The following SHROOM3 variants were observed in gnomAD, a reference collection of about 807,000 sequenced individuals.
SHROOM3 encodes protein Shroom3.
A neutral mutation model predicts 138.6 loss-of-function variants in SHROOM3; 47 were observed. The observed-to-expected ratio is 0.34, with a 90% confidence interval of 0.27 to 0.43. The LOEUF (loss-of-function observed/expected upper bound fraction) is 0.43. SHROOM3 is among the 20% of genes least tolerant of loss of function. The pLI, the probability that SHROOM3 is intolerant of heterozygous loss-of-function variation, is 1.00. For synonymous variants in SHROOM3, 1,062 were observed against 1,063.3 expected (o/e 1.00, Z 0.02); for missense variants, 2,491 against 2,596.5 (o/e 0.96, Z 0.88).
intron 1 of SHROOM3, among the ~76,000 whole-genome samples, chr4:76,540,935 C>T (rs1212569229): frequency 6.6e-6 from 1 of 152,124 alleles, no homozygotes; most frequent in Non-Finnish European, 1.5e-5. Flanking sequence ...AACTATTGCC[C>T]TGTGAGCCCT....
intron 1 of SHROOM3, among the ~76,000 whole-genome samples, chr4:76,529,233 G>A (rs1732778140): frequency 6.6e-6 from 1 of 152,144 alleles, no homozygotes; most frequent in South Asian, 2.1e-4. Flanking sequence ...AGTTTCTCTG[G>A]CTGGACCTGC....
At chr4:76,444,786 G>A (rs948763758) in intron 1 of SHROOM3, among the ~76,000 whole-genome samples, 1 of 151,778 alleles carries the variant, frequency 6.6e-6, no homozygotes, top group African/African-American at 2.4e-5. Context: ...GAGCCACCAC[G>A]CCTGGCCAGT....
chr4:76,567,227 G>A (rs1416657343), intron 2 of SHROOM3, among the ~76,000 whole-genome samples: 1 of 152,148 alleles, frequency 6.6e-6, no homozygotes, highest in Non-Finnish European at 1.5e-5. Context: ...GTGATTCTAA[G>A]GAGCATTTTT....
Position 76,740,670 on chromosome 4 carries a change from C to A in SHROOM3, c.2497C>A (p.Arg833Ser). 1 of 1,614,130 alleles carries A rather than the reference C, an allele frequency of 6.2e-7. No homozygotes were observed. Among genetic ancestry groups the A allele is most frequent in the Non-Finnish European group, 8.5e-7 (1 of 1,180,036 alleles). The change falls in exon 5 of 11, where the codon CGT (arginine) becomes AGT (serine). Residue 833 changes from arginine (R) to serine (S), a missense_variant. Around this residue, in one of 4 missense-constraint regions of SHROOM3, gnomAD observed 1,733 missense variants for 1,661.6 expected, o/e 1.04. Transcript: ENST00000296043. The surrounding 1 kb of genome is among the most constrained non-coding windows in gnomAD (Gnocchi z 4.0). ...NDFEETKAHI[R>S]FSESAEPLGN... ...CTTCGAGGAGACAAAAGCACACATT[C>A]GTTTCTCTGAGTCAGCTGAACCCCT...
intron 2 of SHROOM3, among the ~76,000 whole-genome samples, chr4:76,708,099 T>C (rs1720117809): frequency 6.6e-6 from 1 of 152,210 alleles, no homozygotes. Flanking sequence ...CAGCTGGTCC[T>C]GTAGAGGTGA....
At chr4:76,613,257 C>A (rs1734800998) in intron 2 of SHROOM3, among the ~76,000 whole-genome samples, 1 of 152,140 alleles carries the variant, frequency 6.6e-6, no homozygotes. Flanking sequence ...CATGGTTTCC[C>A]ACTACTGGAC....
At chr4:76,754,286 C>T (rs1406456028) in intron 6 of SHROOM3, 25 bp from the exon 7 acceptor site, 3 of 1,614,030 alleles carry the variant, frequency 1.9e-6, no homozygotes, top group Non-Finnish European at 2.5e-6. Flanking sequence ...AGAGCTGTAA[C>T]CCTCCTGTCT....
At chr4:76,584,641 C>T (rs374166938) in intron 2 of SHROOM3, among the ~76,000 whole-genome samples, 2 of 152,248 alleles carry the variant, frequency 1.3e-5, no homozygotes, top group Non-Finnish European at 1.5e-5. Flanking sequence ...TTCGTCATTC[C>T]GCATAGTGGA....
Position 76,759,582 on chromosome 4 carries a change from T to G in SHROOM3, c.5236T>G (p.Cys1746Gly), listed in dbSNP as rs1188142427. ...GGAAGCAGTGAGCATGTTGGTTAAC[T>G]GCCCTGCCTACTACAGTGTGTCTGC... ...DKEAVSMLVN[C>G]PAYYSVSAPK... Residue 1746 changes from cysteine (C) to glycine (G), a missense_variant, in exon 9 of 11, where the codon TGC (cysteine) becomes GGC (glycine). This residue lies in a region of SHROOM3 where 470 missense variants were observed against 595.0 expected (regional missense o/e 0.79). Coordinates refer to ENST00000296043, the MANE Select transcript of SHROOM3 (RefSeq NM_020859.4). 6.2e-7 allele frequency: 1 copy of G among 1,614,186 alleles called. No homozygotes were observed. Among genetic ancestry groups the G allele is most frequent in the South Asian group, 1.1e-5 (1 of 91,086 alleles).
intron 1 of SHROOM3, among the ~76,000 whole-genome samples, chr4:76,519,784 T>C (rs947411647): frequency 1.3e-5 from 2 of 152,250 alleles, no homozygotes; most frequent in Admixed American, 1.3e-4. Context: ...TATGTGCATC[T>C]GGGTGTATTA....
intron 2 of SHROOM3, among the ~76,000 whole-genome samples, chr4:76,674,881 T>TA (rs930852272): frequency 2.6e-5 from 4 of 152,122 alleles, no homozygotes; most frequent in Non-Finnish European, 5.9e-5. Context: ...AGCCATTTCT[T>TA]ACCTTCTCCC....
At chr4:76,506,877 ACTCC>A (rs1361524353) in intron 1 of SHROOM3, among the ~76,000 whole-genome samples, 2 of 152,014 alleles carry the variant, frequency 1.3e-5, no homozygotes, top group Non-Finnish European at 2.9e-5. Flanking sequence ...CTCTTACAGT[ACTCC>A]CTCCATACTT....
At chr4:76,663,664 G>A (rs574136293) in intron 2 of SHROOM3, among the ~76,000 whole-genome samples, 1 of 152,204 alleles carries the variant, frequency 6.6e-6, no homozygotes, top group Admixed American at 6.5e-5. Flanking sequence ...TGGGTAGCTG[G>A]GATTATAGGT....
intron 9 of SHROOM3, among the ~76,000 whole-genome samples, chr4:76,761,736 T>C (rs1721993148): frequency 6.6e-6 from 1 of 152,168 alleles, no homozygotes; most frequent in Admixed American, 6.6e-5. Flanking sequence ...AGAACAGCAG[T>C]GTCCGTGACT....
intron 2 of SHROOM3, among the ~76,000 whole-genome samples, chr4:76,693,292 A>C (rs1719609877): frequency 6.6e-6 from 1 of 151,052 alleles, no homozygotes; most frequent in Non-Finnish European, 1.5e-5. Flanking sequence ...AAGCCATATC[A>C]TTTAAGATTA....
rs1721831999 is a variant in SHROOM3, at chr4:76,756,845, G to C, written c.5106G>C (p.Leu1702Phe). 1 of 1,614,060 alleles carries C rather than the reference G, an allele frequency of 6.2e-7. No homozygotes were observed. The highest frequency in any genetic ancestry group is 8.5e-7 in the Non-Finnish European group (1 of 1,180,044). The change falls in exon 8 of 11, where the codon TTG (leucine) becomes TTC (phenylalanine). Residue 1702 changes from leucine to phenylalanine, a missense_variant. Leu to Phe is a conservative substitution (Grantham distance 22, BLOSUM62 0). Coordinates refer to ENST00000296043, the MANE Select transcript of SHROOM3 (RefSeq NM_020859.4). ...CAACAATGGACCTGATGGAAGGTTT[G>C]TTTCCCCGAGATGTGAACTTGCTGA... is the stretch of plus-strand genomic sequence containing the variant. Reference protein sequence around the residue: ...LKTTMDLMEGLFPRDVNLLKE... With the variant: ...LKTTMDLMEGFFPRDVNLLKE...
intron 2 of SHROOM3, among the ~76,000 whole-genome samples, chr4:76,649,866 G>A (rs1214761436): frequency 2.0e-5 from 3 of 152,074 alleles, no homozygotes; most frequent in South Asian, 2.1e-4. Context: ...GTCTACTTGG[G>A]CAGCCATAAC....
intron 1 of SHROOM3, among the ~76,000 whole-genome samples, chr4:76,519,488 A>T (rs1289049270): frequency 6.6e-6 from 1 of 152,206 alleles, no homozygotes; most frequent in Non-Finnish European, 1.5e-5. Context: ...CTACTCACTG[A>T]GTATATGTCC....
chr4:76,460,865 GC>G (rs1731128059), intron 1 of SHROOM3, among the ~76,000 whole-genome samples: 1 of 137,606 alleles, frequency 7.3e-6, no homozygotes, highest in African/African-American at 2.6e-5. Flanking sequence ...ATGGTAGTAT[GC>G]CCCTGTAGTC....
Sources: gnomAD v4.1 joint callset for allele counts (sites outside exome capture counted in the v4.1 genomes callset) on GRCh38, gnomAD v4.1.1 for gene constraint, gnomAD v4.1.1 regional missense constraint, Gnocchi (gnomAD v3.1) non-coding constraint, MANE v1.5 for transcripts, NCBI Gene and HGNC (gene_info 2026-07-23, HGNC 2026-07-21) for gene names.